Variants in CDK6 observed in about 807,000 individuals in gnomAD.
CDK6 encodes the protein cyclin dependent kinase 6.
In CDK6, 6 loss-of-function variants were observed where a neutral mutation model predicts 37.1. The observed-to-expected ratio is 0.16, with a 90% CI of 0.09 to 0.32. The LOEUF (loss-of-function observed/expected upper bound fraction) is 0.32. Among genes scored for constraint, CDK6 ranks in the 10% least tolerant of loss-of-function variants. CDK6 has a pLI of 1.00. For synonymous variants in CDK6, 160 were observed against 161.3 expected, an observed-to-expected ratio of 0.99 and a Z score of 0.06; for missense variants, 224 against 418.9, an observed-to-expected ratio of 0.53 and a Z score of 4.06.
chr7:92,725,489 A>G, intron 4 of CDK6, 137 bp downstream of exon 4: 1 of 1,081,344 alleles, frequency 9.2e-7, no homozygotes, highest in Non-Finnish European at 1.3e-6. Flanking sequence ...ACCCACTGCC[A>G]TATAAAAATG....
chr7:92,828,413 T>A (rs1801387446), intron 2 of CDK6, among the ~76,000 whole-genome samples: 1 of 152,172 alleles, frequency 6.6e-6, no homozygotes, highest in Non-Finnish European at 1.5e-5. Flanking sequence ...TGCTACTTAG[T>A]TTTAAGAACA....
At chr7:92,679,543 CTTTAT>C (rs1272613257) in intron 4 of CDK6, among the ~76,000 whole-genome samples, 3 of 152,046 alleles carry the variant, frequency 2.0e-5, no homozygotes, top group African/African-American at 7.2e-5. Flanking sequence ...ACTTCAGAAT[CTTTAT>C]TTTGTCAAAG....
chr7:92,688,173 C>T (rs1797507851), intron 4 of CDK6, among the ~76,000 whole-genome samples: 1 of 152,112 alleles, frequency 6.6e-6, no homozygotes, highest in South Asian at 2.1e-4. Context: ...TAGATACTAC[C>T]AGTTTTCCAA....
rs2116033701 is a variant in CDK6 at position 92,833,247 on chromosome 7, T to C, written c.77A>G (p.Lys26Arg). ...CTTCAAGTCGCGGGCCTTGAACACC[T>C]TCCCATAGGCGCCCTCCCCGATCTC... is the stretch of plus-strand genomic sequence containing the variant. ...VAEIGEGAYG[K>R]VFKARDLKNG... Residue 26 changes from lysine to arginine, a missense_variant, in exon 2 of 8, where the codon AAG (lysine) becomes AGG (arginine). Physicochemically the swap from Lys to Arg is conservative, Grantham distance 26. This residue lies in a region of CDK6 where 13 missense variants were observed against 43.8 expected (regional missense o/e 0.30). Coordinates refer to ENST00000424848, the MANE Select transcript of CDK6 (RefSeq NM_001145306.2). This position sits in a 1 kb window ranked among gnomAD's most constrained non-coding sequence, Gnocchi z 6.1. 6.2e-7 allele frequency: 1 copy of C among 1,610,930 alleles called. No individual in the cohort carries two copies. The highest frequency in any genetic ancestry group is 8.5e-7 in the Non-Finnish European group (1 of 1,179,246).
At chr7:92,759,697 C>CAAAAAAAAAAA (rs61188860) in intron 3 of CDK6, among the ~76,000 whole-genome samples, 37 of 73,644 alleles carry the variant, frequency 5.0e-4, no homozygotes, top group Admixed American at 9.0e-4. Flanking sequence ...GACTTTAAGG[C>CAAAAAAAAAAA]AAAAAAAAAA....
Position 92,835,463 on chromosome 7 carries a change from C to T in CDK6, c.-368+1015G>A, listed in dbSNP as rs536865499. ...ACGGGAGCAGCAATGCCTTTTCCCC[C>T]CCTCTCCTCCACTTTTTTTTGTTGT... On this transcript the variant is annotated intron_variant, in intron 1 of 7. Coordinates refer to ENST00000424848, the MANE Select transcript of CDK6 (RefSeq NM_001145306.2). The surrounding 1 kb of genome is among the most constrained non-coding windows in gnomAD (Gnocchi z 4.2). Among the ~76,000 whole-genome samples, 167 of 152,252 alleles carry T rather than the reference C, an allele frequency of 1.1e-3. No individual in the cohort carries two copies. Among genetic ancestry groups the T allele is most frequent in the African/African-American group, 4.0e-3 (165 of 41,546 alleles).
chr7:92,784,033 G>A (rs979578124), intron 2 of CDK6, among the ~76,000 whole-genome samples: 8 of 152,092 alleles, frequency 5.3e-5, no homozygotes, highest in Admixed American at 2.0e-4. Flanking sequence ...AGAGAAAAGA[G>A]TAAGGCTGTA....
chr7:92,670,405 G>C (rs1732256885), intron 5 of CDK6, among the ~76,000 whole-genome samples: 1 of 152,036 alleles, frequency 6.6e-6, no homozygotes, highest in South Asian at 2.1e-4. Context: ...AGCAAGCAAT[G>C]GCTGACCACT....
intron 2 of CDK6, among the ~76,000 whole-genome samples, chr7:92,824,240 A>G (rs1396833244): frequency 6.6e-6 from 1 of 152,124 alleles, no homozygotes; most frequent in Non-Finnish European, 1.5e-5. Flanking sequence ...CAGAGGACAC[A>G]GAACAAAATT....
chr7:92,767,468 T>C (rs1462197642), intron 3 of CDK6, among the ~76,000 whole-genome samples: 1 of 152,182 alleles, frequency 6.6e-6, no homozygotes, highest in African/African-American at 2.4e-5. Context: ...CTGAAGATTT[T>C]ATTTCTCTCT....
At chr7:92,654,504 A>T (rs1377897314) in intron 5 of CDK6, among the ~76,000 whole-genome samples, 1 of 152,118 alleles carries the variant, frequency 6.6e-6, no homozygotes, top group African/African-American at 2.4e-5. Context: ...AGTAGCTTAG[A>T]TGTTTATATC....
At chr7:92,616,054 G>T (rs1483010784) in intron 7 of CDK6, among the ~76,000 whole-genome samples, 1 of 152,056 alleles carries the variant, frequency 6.6e-6, no homozygotes, top group Non-Finnish European at 1.5e-5. Flanking sequence ...TGCCTAGCAG[G>T]TGGCAAGCAC....
chr7:92,817,055 C>A (rs1038305609), intron 2 of CDK6, among the ~76,000 whole-genome samples: 5 of 151,744 alleles, frequency 3.3e-5, no homozygotes, highest in African/African-American at 1.2e-4. Flanking sequence ...TAGTTAATAA[C>A]CTACTCAAAA....
intron 4 of CDK6, among the ~76,000 whole-genome samples, chr7:92,692,478 T>C (rs552572976): frequency 1.3e-5 from 2 of 151,904 alleles, no homozygotes; most frequent in African/African-American, 4.8e-5. Context: ...AACTGCTACC[T>C]ATGAAGAGTA....
intron 4 of CDK6, among the ~76,000 whole-genome samples, chr7:92,695,526 GC>G (rs1183341641): frequency 1.7e-4 from 26 of 152,222 alleles, no homozygotes; most frequent in Non-Finnish European, 1.9e-4. Context: ...AAGAGCAGCG[GC>G]TAAGTTCCAT....
intron 3 of CDK6, among the ~76,000 whole-genome samples, chr7:92,751,824 T>C (rs1479773681): frequency 1.3e-5 from 2 of 152,164 alleles, no homozygotes; most frequent in African/African-American, 4.8e-5. Context: ...ATTAAATATA[T>C]GTCTTCATTT....
chr7:92,669,245 G>A (rs1797024377), intron 5 of CDK6, among the ~76,000 whole-genome samples: 1 of 152,224 alleles, frequency 6.6e-6, no homozygotes, highest in Non-Finnish European at 1.5e-5. Flanking sequence ...CCAGGTCGTA[G>A]AGGATTCTGC....
intron 4 of CDK6, among the ~76,000 whole-genome samples, chr7:92,702,509 A>C (rs926307266): frequency 2.0e-5 from 3 of 152,112 alleles, no homozygotes; most frequent in Non-Finnish European, 4.4e-5. Flanking sequence ...CTGGGATTAC[A>C]GGCATGAGCT....
intron 5 of CDK6, among the ~76,000 whole-genome samples, chr7:92,670,585 T>A (rs554244044): frequency 6.6e-6 from 1 of 152,240 alleles, no homozygotes; most frequent in African/African-American, 2.4e-5. Context: ...TACCCAGATA[T>A]GGATTATTTT....
Sources: gnomAD v4.1 joint callset for allele counts (sites outside exome capture counted in the v4.1 genomes callset) on GRCh38, gnomAD v4.1.1 for gene constraint, gnomAD v4.1.1 regional missense constraint, Gnocchi (gnomAD v3.1) non-coding constraint, MANE v1.5 for transcripts, NCBI Gene and HGNC (gene_info 2026-07-23, HGNC 2026-07-21) for gene names.